Variants in TMEM232 observed in about 807,000 individuals in gnomAD.
TMEM232 encodes transmembrane protein 232.
TMEM232 carries 80 observed loss-of-function variants against 78.8 expected under a neutral mutation model. The observed-to-expected ratio is 1.01, with a 90% CI of 0.85 to 1.22. The LOEUF (loss-of-function observed/expected upper bound fraction) is 1.22, where lower values mean the gene tolerates loss of function less well. Among genes scored for constraint, TMEM232 ranks in the 50% most tolerant of loss-of-function variants. TMEM232 has a pLI of 0.00. For synonymous variants in TMEM232, 297 were observed against 254.3 expected (o/e 1.17, Z -1.60); for missense variants, 881 against 742.2 (o/e 1.19, Z -2.17).
chr5:110,450,300 G>A (rs569429921), intron 12 of TMEM232, among the ~76,000 whole-genome samples: 9 of 152,166 alleles, frequency 5.9e-5, no homozygotes, highest in African/African-American at 9.6e-5. Context: ...GCTCTTCTCC[G>A]TCTCTTGCTT....
chr5:110,572,047 T>A (rs1347832331), intron 10 of TMEM232, among the ~76,000 whole-genome samples: 2 of 151,954 alleles, frequency 1.3e-5, no homozygotes, highest in Non-Finnish European at 2.9e-5. Flanking sequence ...GTGGAGAAGA[T>A]CTAATTGGAC....
chr5:110,473,387 C>T (rs1027845606), intron 12 of TMEM232, among the ~76,000 whole-genome samples: 5 of 151,644 alleles, frequency 3.3e-5, no homozygotes, highest in East Asian at 3.9e-4. Flanking sequence ...GAGATATCAC[C>T]GCCCTCCAGA....
At chr5:110,490,568 A>T (rs1012100242) in intron 12 of TMEM232, among the ~76,000 whole-genome samples, 1 of 152,170 alleles carries the variant, frequency 6.6e-6, no homozygotes, top group Non-Finnish European at 1.5e-5. Context: ...GTCTTTAAAA[A>T]GAATAATAAA....
intron 2 of TMEM232, among the ~76,000 whole-genome samples, chr5:110,665,711 C>A (rs776064309): frequency 1.3e-5 from 2 of 151,972 alleles, no homozygotes; most frequent in Non-Finnish European, 2.9e-5. Flanking sequence ...GGACATATAG[C>A]CAACCTGTAT....
In TMEM232 at chr5:110,490,400, T is replaced by A. The variant is rs1764958529; in HGVS notation, c.1703+38188A>T. Among the ~76,000 whole-genome samples the A allele has an allele frequency of 2.0e-5, 3 of 152,158 alleles. No homozygotes were observed. In the South Asian group the frequency reaches 6.2e-4, roughly 31 times the overall value. Reference sequence around the variant, plus strand: ...TGTATGAAAAGACATTCTGTATTTATGAATTAGAACACTTGATGTTAAGAT... The same window carrying A: ...TGTATGAAAAGACATTCTGTATTTAAGAATTAGAACACTTGATGTTAAGAT... On this transcript the variant is annotated intron_variant, in intron 12 of 13. Transcript: ENST00000455884.
chr5:110,648,710 T>C (rs751233716), intron 2 of TMEM232, among the ~76,000 whole-genome samples: 59 of 152,112 alleles, frequency 3.9e-4, no homozygotes, highest in Non-Finnish European at 6.9e-4. Context: ...AAACTCCTGA[T>C]TGACACATTA....
At chr5:110,540,453 C>G (rs1772960197) in intron 11 of TMEM232, among the ~76,000 whole-genome samples, 1 of 152,194 alleles carries the variant, frequency 6.6e-6, no homozygotes. Context: ...CCAGATGTAA[C>G]CCTTGAAACC....
chr5:110,415,447 C>A (rs311703), downstream of TMEM232, among the ~76,000 whole-genome samples: 41,018 of 151,124 alleles, frequency 0.27, 9,185 homozygotes, highest in African/African-American at 0.61. Context: ...TTGGCCTCCC[C>A]AAGTGCTGGG....
At chr5:110,595,785 C>A (rs1459078773) in intron 10 of TMEM232, among the ~76,000 whole-genome samples, 1 of 151,814 alleles carries the variant, frequency 6.6e-6, no homozygotes, top group East Asian at 1.9e-4. Flanking sequence ...GTGGAAAGAC[C>A]AAACCTACAA....
At chr5:110,620,607 C>A (rs958444003) in intron 7 of TMEM232, among the ~76,000 whole-genome samples, 246 of 137,942 alleles carry the variant, frequency 1.8e-3, no homozygotes, top group African/African-American at 7.1e-3. Flanking sequence ...CTCTCTCTCT[C>A]TCTCTCTCTC....
At chr5:110,442,045 C>T (rs1269390369) in intron 12 of TMEM232, among the ~76,000 whole-genome samples, 1 of 152,068 alleles carries the variant, frequency 6.6e-6, no homozygotes, top group Non-Finnish European at 1.5e-5. Context: ...TTTTAGGACA[C>T]TTTCATTATC....
chr5:110,604,978 C>T, intron 10 of TMEM232, 131 bp downstream of exon 10: 3 of 1,099,402 alleles, frequency 2.7e-6, no homozygotes, highest in Non-Finnish European at 3.8e-6. Context: ...ATGCTATATT[C>T]TTCCAAAATT....
rs1764907581 is a variant in TMEM232, at chr5:110,490,162, AAAGAAAGAAAG to A, written c.1703+38415_1703+38425del. On this transcript the variant is annotated intron_variant, in intron 12 of 13. Transcript: ENST00000455884. Reference sequence around the variant, plus strand: ...GAAAGAAAGAAAGAAAGAAAGAAAGAAAGAAAGAAAGAAAGAAAGAAAGAAAGAAAAAGTTA... The same window carrying A: ...GAAAGAAAGAAAGAAAGAAAGAAAGAAAAGAAAGAAAGAAAGAAAAAGTTA... Among the ~76,000 whole-genome samples, 3 of 145,836 alleles carry A rather than the reference AAAGAAAGAAAG, an allele frequency of 2.1e-5. No individual in the cohort carries two copies. The South Asian group carries it at 6.3e-4, about 31-fold the overall frequency.
At chr5:110,491,750 A>G (rs1034818857) in intron 12 of TMEM232, among the ~76,000 whole-genome samples, 8 of 152,156 alleles carry the variant, frequency 5.3e-5, no homozygotes, top group Middle Eastern at 3.4e-3. Flanking sequence ...ACAAGGTTAA[A>G]GACGAGGAAT....
intron 1 of TMEM232, among the ~76,000 whole-genome samples, chr5:110,706,992 A>C (rs558405128): frequency 5.9e-5 from 9 of 152,352 alleles, no homozygotes; most frequent in African/African-American, 2.2e-4. Context: ...AAATTATTTT[A>C]TATAGTCTTC....
At chr5:110,545,723 T>G (rs1422389341) in intron 11 of TMEM232, among the ~76,000 whole-genome samples, 3 of 152,150 alleles carry the variant, frequency 2.0e-5, no homozygotes, top group Non-Finnish European at 4.4e-5. Context: ...CACCATAAAA[T>G]GTTAACCACA....
At chr5:110,522,401 T>C (rs1769668400) in intron 12 of TMEM232, among the ~76,000 whole-genome samples, 2 of 152,170 alleles carry the variant, frequency 1.3e-5, no homozygotes, top group South Asian at 4.1e-4. Flanking sequence ...CTGATATGGA[T>C]GCCTTTTATT....
In TMEM232 at chr5:110,625,378, C is replaced by T. The variant is rs1272019913; in HGVS notation, c.657G>A (p.Val219=). Residue 219 remains valine, a synonymous_variant, in exon 7 of 14, where the codon GTG becomes GTA. Coordinates refer to ENST00000455884, the MANE Select transcript of TMEM232 (RefSeq NM_001039763.4). ...TTTCCGAGGCTTTCAGGATGAATTG[C>T]ACATTTGAAAAGATGTTTGGATACT... ...YHKYPNIFSN[V]QFILKASEII... 3.9e-6 allele frequency: 6 copies of T among 1,546,744 alleles called. No homozygotes were observed. The highest frequency in any genetic ancestry group is 5.2e-6 in the Non-Finnish European group (6 of 1,144,258).
At chr5:110,634,216 A>G (rs1255936780) in intron 5 of TMEM232, among the ~76,000 whole-genome samples, 2 of 152,170 alleles carry the variant, frequency 1.3e-5, no homozygotes, top group East Asian at 1.9e-4. Context: ...CTAGATCTAA[A>G]TAGAAATATA....
Sources: gnomAD v4.1 joint callset for allele counts (sites outside exome capture counted in the v4.1 genomes callset) on GRCh38, gnomAD v4.1.1 for gene constraint, MANE v1.5 for transcripts, NCBI Gene and HGNC (gene_info 2026-07-23, HGNC 2026-07-21) for gene names.